The following TCEA2 variants were observed in gnomAD, a reference collection of about 807,000 sequenced individuals.
TCEA2 encodes transcription elongation factor A protein 2.
A neutral mutation model predicts 40.8 loss-of-function variants in TCEA2; 21 were observed. The observed-to-expected ratio is 0.51, with a 90% CI of 0.36 to 0.74. The LOEUF (loss-of-function observed/expected upper bound fraction) is 0.74. Ranked by LOEUF, TCEA2 falls within the 30% of genes least tolerant of loss-of-function variation. The probability of loss-of-function intolerance (pLI) is 0.00; values close to 1 mark genes in which losing one functional copy is unlikely to be tolerated. For missense variants in TCEA2, 326 were observed against 426.5 expected (o/e 0.76, Z 2.08); for synonymous variants, 165 against 162.7 (o/e 1.01, Z -0.11).
chr20:64,062,433 T>A (rs1461461502), upstream of TCEA2: 1 of 152,280 alleles, frequency 6.6e-6, no homozygotes, highest in Non-Finnish European at 1.5e-5. Flanking sequence ...TTCTCAGGCA[T>A]GTGATGTGAA....
intron 1 of TCEA2, chr20:64,064,189 G>A (rs968386121): frequency 6.6e-6 from 1 of 152,302 alleles, no homozygotes; most frequent in African/African-American, 2.4e-5. Context: ...GAAAAGAGCC[G>A]GTGTGCTTAT....
chr20:64,067,297 G>A (rs976534965), intron 3 of TCEA2, among the ~76,000 whole-genome samples: 1 of 152,224 alleles, frequency 6.6e-6, no homozygotes, highest in Non-Finnish European at 1.5e-5. Flanking sequence ...GAGAGTTGAG[G>A]CCAGGACTTG....
upstream of TCEA2, among the ~76,000 whole-genome samples, chr20:64,060,028 C>T (rs541182757): frequency 5.3e-5 from 8 of 152,316 alleles, no homozygotes; most frequent in East Asian, 1.9e-4. Flanking sequence ...ACTGGGACTG[C>T]GGCGTATGCA....
At chr20:64,058,786 C>T (rs1375350945), upstream of TCEA2, among the ~76,000 whole-genome samples, 2 of 152,190 alleles carry the variant, frequency 1.3e-5, no homozygotes, top group African/African-American at 2.4e-5. The surrounding 1 kb of genome is among the most constrained non-coding windows in gnomAD (Gnocchi z 6.7). Flanking sequence ...TGTGGGGGTG[C>T]GAGGCAGTTC....
intron 2 of TCEA2, 76 bp downstream of exon 2, chr20:64,066,614 G>T (rs2059700589): frequency 7.1e-6 from 11 of 1,543,524 alleles, no homozygotes; most frequent in Middle Eastern, 4.3e-4. Context: ...AGGGCACCTG[G>T]CAGGGCTTCC....
Position 64,066,868 on chromosome 20 carries a change from C to T in TCEA2, c.136-47C>T, listed in dbSNP as rs1235607243. 5.7e-6 allele frequency: 9 copies of T among 1,576,444 alleles called. No individual in the cohort carries two copies. In the South Asian group the frequency reaches 7.9e-5, roughly 14 times the overall value. On this transcript the variant is annotated intron_variant, in intron 2 of 9. Transcript: ENST00000343484. Reference sequence around the variant, plus strand: ...AGGCTCTGCCAGGAGAATCTGACCCCTAGGGTGGGCCCCTGCCTCCCCCAA... The same window carrying T: ...AGGCTCTGCCAGGAGAATCTGACCCTTAGGGTGGGCCCCTGCCTCCCCCAA...
intron 2 of TCEA2, 110 bp from the exon 3 acceptor site, chr20:64,066,805 C>T: frequency 8.9e-7 from 1 of 1,125,694 alleles, no homozygotes; most frequent in Non-Finnish European, 1.3e-6. Context: ...CTCTACCTCC[C>T]TGGGAGGTCC....
intron 1 of TCEA2, 129 bp downstream of exon 1, chr20:64,063,513 A>C: frequency 3.6e-6 from 4 of 1,095,898 alleles, no homozygotes; most frequent in East Asian, 2.8e-5. Context: ...GCAGAGACTA[A>C]CCGGGACGCA....
At chr20:64,056,974 G>C (rs1173268629), upstream of TCEA2, 1 of 152,284 alleles carries the variant, frequency 6.6e-6, no homozygotes. Context: ...CCATAAAGAC[G>C]TCGAGTGTGG....
At chr20:64,070,196 C>CG in intron 6 of TCEA2, 64 bp from the exon 7 acceptor site, 1 of 1,590,208 alleles carries the variant, frequency 6.3e-7, no homozygotes, top group East Asian at 2.2e-5. Context: ...TGGCCCCCAG[C>CG]GGGGCAGGTG....
chr20:64,061,758 G>A (rs1199918361), upstream of TCEA2, among the ~76,000 whole-genome samples: 1 of 151,416 alleles, frequency 6.6e-6, no homozygotes, highest in Admixed American at 6.6e-5. Flanking sequence ...ACGGAGTCTC[G>A]CTGTTGTTGG....
chr20:64,072,344 G>C lies in TCEA2; in HGVS notation c.*164G>C. On this transcript the variant is annotated 3_prime_UTR_variant, in exon 10 of 10. Transcript: ENST00000343484. ...CCCTCATTATTAAATGTTTCTTTTTGCCATCTTGTTCTCCTCAGCCGTTAC... is the reference window on the plus strand; with the variant it reads ...CCCTCATTATTAAATGTTTCTTTTTCCCATCTTGTTCTCCTCAGCCGTTAC... 2.5e-6 allele frequency: 2 copies of C among 812,650 alleles called. No individual in the cohort carries two copies. The highest frequency in any genetic ancestry group is 3.9e-6 in the Non-Finnish European group (2 of 518,158). The allele number at this position is 812,650 out of a possible 1,614,324, so 50.3% of individuals were successfully genotyped here. A position where few individuals can be genotyped will look rare whatever the true frequency, so the allele number is the denominator to read the frequency against.
chr20:64,071,845 TG>T (rs1481292253), intron 8 of TCEA2, 24 bp from the exon 9 acceptor site: 11 of 1,612,786 alleles, frequency 6.8e-6, no homozygotes, highest in Non-Finnish European at 9.3e-6. Flanking sequence ...GAGGTGACCC[TG>T]GGTTCACCCA....
chr20:64,059,571 A>G (rs1205033159), upstream of TCEA2, among the ~76,000 whole-genome samples: 1 of 119,988 alleles, frequency 8.3e-6, no homozygotes, highest in Non-Finnish European at 1.8e-5. Flanking sequence ...TTCCTTATCC[A>G]TCCTGGCTGG....
At chr20:64,069,617 C>T in intron 5 of TCEA2, 126 bp downstream of exon 5, 1 of 1,536,092 alleles carries the variant, frequency 6.5e-7, no homozygotes, top group South Asian at 1.2e-5. Flanking sequence ...TGCTGTGGCC[C>T]TGGCAGGGGC....
At position 64,072,259 on chromosome 20, in the gene TCEA2, A is replaced by G. The variant is rs1462455330; in HGVS notation, c.*79A>G. 5.9e-6 allele frequency: 9 copies of G among 1,531,314 alleles called. No homozygotes were observed. In the African/African-American group the frequency reaches 6.9e-5, roughly 12 times the overall value. 94.9% of individuals were successfully genotyped at this position (1,531,314 alleles called of 1,614,324 possible). A position where few individuals can be genotyped will look rare whatever the true frequency, so the allele number is the denominator to read the frequency against. On this transcript the variant is annotated 3_prime_UTR_variant, in exon 10 of 10. Transcript: ENST00000343484. ...TTGACACAGCTTCTCTGGAGACCCT[A>G]GAAGGCGGCATGTCCTGCCCTCAAC...
upstream of TCEA2, among the ~76,000 whole-genome samples, chr20:64,059,870 C>T (rs1471042311): frequency 2.0e-5 from 3 of 152,110 alleles, no homozygotes; most frequent in South Asian, 2.1e-4. Context: ...TTTCCGGGGG[C>T]GTCTGTGTGC....
chr20:64,069,316 C>G (rs750008830), intron 4 of TCEA2, 45 bp from the exon 5 acceptor site: 1 of 1,526,608 alleles, frequency 6.6e-7, no homozygotes, highest in South Asian at 1.2e-5. Flanking sequence ...CGCTGGGGTG[C>G]CTGCAGCCTT....
chr20:64,066,432 T>G, intron 1 of TCEA2, 44 bp from the exon 2 acceptor site: 2 of 1,601,846 alleles, frequency 1.2e-6, no homozygotes, highest in Non-Finnish European at 1.7e-6. Flanking sequence ...ATATTGTCTG[T>G]TGAGATCTAA....
Sources: allele counts gnomAD v4.1 joint callset (sites outside exome capture counted in the v4.1 genomes callset), GRCh38; gene constraint gnomAD v4.1.1; non-coding constraint Gnocchi (gnomAD v3.1); transcripts MANE v1.5; gene names NCBI Gene and HGNC (gene_info 2026-07-23, HGNC 2026-07-21).